KCNN2: variants seen among roughly 807,000 people sequenced by gnomAD.
KCNN2 encodes the protein potassium calcium-activated channel subfamily N member 2.
Under a neutral mutation model 55.5 loss-of-function variants are expected in KCNN2, and 24 were observed. The observed-to-expected ratio is 0.43, with a 90% CI of 0.31 to 0.61. The LOEUF is 0.61. KCNN2 is among the 20% of genes least tolerant of loss of function. The probability of loss-of-function intolerance (pLI) is 0.08; values close to 1 mark genes in which losing one functional copy is unlikely to be tolerated. For missense variants in KCNN2, 754 were observed against 853.6 expected, an observed-to-expected ratio of 0.88 and a Z score of 1.45; for synonymous variants, 431 against 336.1, an observed-to-expected ratio of 1.28 and a Z score of -3.09.
At chr5:114,469,115 G>A (rs1160344096) in intron 4 of KCNN2, among the ~76,000 whole-genome samples, 1 of 152,106 alleles carries the variant, frequency 6.6e-6, no homozygotes, top group Non-Finnish European at 1.5e-5. Flanking sequence ...TCCACGTGTT[G>A]GGATTTCCCT....
At chr5:114,346,895 A>C (rs755929217) in intron 2 of KCNN2, among the ~76,000 whole-genome samples, 5 of 152,188 alleles carry the variant, frequency 3.3e-5, no homozygotes, top group Non-Finnish European at 7.3e-5. Context: ...TGTTCAAAAA[A>C]TAATGGGGGA....
intron 4 of KCNN2, among the ~76,000 whole-genome samples, chr5:114,464,821 C>T (rs551095438): frequency 2.2e-4 from 11 of 49,238 alleles, no homozygotes; most frequent in African/African-American, 4.4e-4. Flanking sequence ...AAAAAAAAAA[C>T]GGTATGCTGC....
intron 1 of KCNN2, among the ~76,000 whole-genome samples, chr5:114,160,978 T>G (rs563618841): frequency 5.9e-5 from 9 of 152,356 alleles, no homozygotes; most frequent in Non-Finnish European, 1.3e-4. Context: ...TCTGTGTCTT[T>G]TAATTGGAGC....
At chr5:114,334,932 GT>G (rs879301921) in intron 2 of KCNN2, among the ~76,000 whole-genome samples, 5 of 148,262 alleles carry the variant, frequency 3.4e-5, no homozygotes, top group South Asian at 2.1e-4. Context: ...GCACATTGCA[GT>G]TTTTTTTTTA....
intron 1 of KCNN2, among the ~76,000 whole-genome samples, chr5:114,119,223 T>C (rs1751779125): frequency 6.6e-6 from 1 of 152,190 alleles, no homozygotes; most frequent in African/African-American, 2.4e-5. Flanking sequence ...ACAGCTCTGA[T>C]GTGCAGGCCA....
intron 1 of KCNN2, among the ~76,000 whole-genome samples, chr5:114,127,561 C>G (rs938022295): frequency 2.0e-5 from 3 of 152,186 alleles, no homozygotes; most frequent in African/African-American, 7.2e-5. Flanking sequence ...TTTTTTCCTC[C>G]TAGGCCTCTG....
At chr5:114,163,947 A>T (rs1049614571) in intron 1 of KCNN2, among the ~76,000 whole-genome samples, 1 of 152,026 alleles carries the variant, frequency 6.6e-6, no homozygotes, top group Non-Finnish European at 1.5e-5. Context: ...AGTATGCTTT[A>T]TATTAGTCAT....
intron 2 of KCNN2, among the ~76,000 whole-genome samples, chr5:114,301,214 C>G (rs763621354): frequency 2.0e-5 from 3 of 152,010 alleles, no homozygotes; most frequent in Non-Finnish European, 2.9e-5. Flanking sequence ...TGTTTATTAG[C>G]TCTGTAACCT....
At chr5:114,243,488 G>C (rs913463242) in intron 2 of KCNN2, among the ~76,000 whole-genome samples, 4 of 140 alleles carry the variant, frequency 0.029, no homozygotes, top group East Asian at 0.25. Flanking sequence ...TTTGTCCAGC[G>C]TATCCACACA....
intron 1 of KCNN2, among the ~76,000 whole-genome samples, chr5:114,180,466 C>G (rs922622107): frequency 6.6e-6 from 1 of 151,962 alleles, no homozygotes; most frequent in Non-Finnish European, 1.5e-5. Flanking sequence ...GAGGGCTTTG[C>G]TTTTAATCAA....
At chr5:114,447,473 A>T (rs1231480761) in intron 3 of KCNN2, among the ~76,000 whole-genome samples, 1 of 152,254 alleles carries the variant, frequency 6.6e-6, no homozygotes, top group Non-Finnish European at 1.5e-5. Flanking sequence ...GAATTTAAGA[A>T]GATGTCCTGT....
chr5:114,477,684 T>C (rs1270736232), intron 5 of KCNN2, among the ~76,000 whole-genome samples: 1 of 152,218 alleles, frequency 6.6e-6, no homozygotes, highest in African/African-American at 2.4e-5. Flanking sequence ...ATATTATTAT[T>C]ACTGCTCATT....
At chr5:114,136,044 T>C (rs1752167486) in intron 1 of KCNN2, among the ~76,000 whole-genome samples, 2 of 152,010 alleles carry the variant, frequency 1.3e-5, no homozygotes, top group South Asian at 4.2e-4. Flanking sequence ...AATTAAAGAA[T>C]TGAGTTACCA....
At chr5:114,435,103 G>A (rs972816865) in intron 3 of KCNN2, among the ~76,000 whole-genome samples, 2 of 151,980 alleles carry the variant, frequency 1.3e-5, no homozygotes, top group East Asian at 1.9e-4. Context: ...CTCTCTACCC[G>A]TCACTCCCCA....
chr5:114,164,727 A>G (rs1752872241), intron 1 of KCNN2, among the ~76,000 whole-genome samples: 1 of 152,158 alleles, frequency 6.6e-6, no homozygotes, highest in Non-Finnish European at 1.5e-5. Flanking sequence ...TAAATTTAGT[A>G]ATGTGACGAT....
chr5:114,130,680 G>A (rs7726250), intron 1 of KCNN2, among the ~76,000 whole-genome samples: 18,485 of 151,924 alleles, frequency 0.12, 1,295 homozygotes, highest in Non-Finnish European at 0.15. Context: ...TCTCTTCATC[G>A]CTACTCACTA....
At chr5:114,381,934 G>A (rs1257896294) in intron 2 of KCNN2, among the ~76,000 whole-genome samples, 1 of 152,184 alleles carries the variant, frequency 6.6e-6, no homozygotes, top group Non-Finnish European at 1.5e-5. Context: ...GTGATGCAGG[G>A]ATGGGAGTTG....
chr5:114,377,634 T>G (rs536362134), intron 2 of KCNN2, among the ~76,000 whole-genome samples: 2 of 152,190 alleles, frequency 1.3e-5, no homozygotes, highest in Admixed American at 6.5e-5. Context: ...TAGACAGACA[T>G]TTGTGCCTCT....
intron 1 of KCNN2, among the ~76,000 whole-genome samples, chr5:114,077,564 C>G (rs1197306172): frequency 6.6e-6 from 1 of 152,228 alleles, no homozygotes; most frequent in African/African-American, 2.4e-5. Context: ...TCTGCACATT[C>G]TAATCAGGTG....
Sources: allele counts gnomAD v4.1 joint callset (sites outside exome capture counted in the v4.1 genomes callset), GRCh38; gene constraint gnomAD v4.1.1; transcripts MANE v1.5; gene names NCBI Gene and HGNC (gene_info 2026-07-23, HGNC 2026-07-21).